PHEX: variants seen among roughly 807,000 people sequenced by gnomAD.
PHEX encodes phosphate-regulating neutral endopeptidase PHEX.
PHEX carries 16 observed loss-of-function variants against 68.0 expected under a neutral mutation model. That is an observed-to-expected ratio of 0.24 (90% CI 0.16 to 0.36). PHEX has a LOEUF of 0.36. Among genes scored for constraint, PHEX ranks in the 10% least tolerant of loss-of-function variants. The pLI, the probability that PHEX is intolerant of heterozygous loss-of-function variation, is 1.00. For missense variants in PHEX, 480 were observed against 575.5 expected (o/e 0.83, Z 1.70); for synonymous variants, 208 against 205.1 (o/e 1.01, Z -0.12).
chrX:22,118,329 T>TAAAC (rs1376827498), intron 11 of PHEX, among the ~76,000 whole-genome samples: 2 of 45,300 alleles, frequency 4.4e-5, no homozygotes, highest in African/African-American at 2.5e-4. Context: ...CATTTGTTTG[T>TAAAC]AAACAGCACC....
In PHEX at chrX:22,229,561, C is replaced by T. The variant is rs185284373; in HGVS notation, c.2070+1950C>T. 5.7e-4 allele frequency among the ~76,000 whole-genome samples: 64 copies of T among 112,271 alleles called. No homozygotes were observed. The East Asian group carries it at 0.018, about 31-fold the overall frequency. ...TGTCTTCTTTTGAGAAATGTCTGTT[C>T]GTAGCCTTTGCCCACTTTTTGATGA... On this transcript the variant is annotated intron_variant, in intron 20 of 21. Coordinates refer to ENST00000379374, the MANE Select transcript of PHEX (RefSeq NM_000444.6).
rs375729152 is a variant in PHEX, at chrX:22,114,562, C to T, written c.1278C>T (p.Tyr426=). 8.3e-7 allele frequency: 1 copy of T among 1,203,737 alleles called. No homozygotes were observed. The highest frequency in any genetic ancestry group is 1.1e-6 in the Non-Finnish European group (1 of 889,749). ...YVVGKMFVDV[Y]FQEDKKEMME... ...TTGGAAAGATGTTTGTAGATGTGTA[C>T]TTCCAGGAAGATAAGAAGGAAATGG... Residue 426 remains tyrosine, a synonymous_variant, in exon 11 of 22, where the codon TAC becomes TAT. Coordinates refer to ENST00000379374, the MANE Select transcript of PHEX (RefSeq NM_000444.6).
At chrX:22,152,376 G>C in intron 12 of PHEX, among the ~76,000 whole-genome samples, 1 of 111,763 alleles carries the variant, frequency 8.9e-6, no homozygotes, top group Non-Finnish European at 1.9e-5. Context: ...TATGTCTATT[G>C]TTTCTGTTTC....
At chrX:22,221,850 C>A in intron 18 of PHEX, 107 bp downstream of exon 18, 1 of 710,572 alleles carries the variant, frequency 1.4e-6, no homozygotes, top group Non-Finnish European at 2.3e-6. Context: ...ACAAGATCAA[C>A]AGCATCTGTC....
intron 12 of PHEX, among the ~76,000 whole-genome samples, chrX:22,138,602 T>G (rs1447963404): frequency 8.9e-6 from 1 of 112,086 alleles, no homozygotes; most frequent in Non-Finnish European, 1.9e-5. Context: ...AGTCTTCCTC[T>G]TCCTTCCTTA....
intron 1 of PHEX, among the ~76,000 whole-genome samples, chrX:22,033,398 G>A (rs944210749): frequency 2.7e-5 from 2 of 75,282 alleles, no homozygotes; most frequent in Non-Finnish European, 5.2e-5. Flanking sequence ...TGCATTGGGT[G>A]GAAAATTTTT....
intron 13 of PHEX, 31 bp downstream of exon 13, chrX:22,168,420 T>C: frequency 2.0e-6 from 2 of 981,078 alleles, no homozygotes; most frequent in Non-Finnish European, 2.9e-6. Context: ...ACTTTTTTTT[T>C]TCTGGCAAGT....
chrX:22,106,577 C>T (rs6629450), intron 9 of PHEX, among the ~76,000 whole-genome samples: 33,372 of 108,876 alleles, frequency 0.31, 4,616 homozygotes, highest in African/African-American at 0.53. Context: ...TTGAGACCAG[C>T]TTGGCAAAAT....
chrX:22,065,720 G>A (rs180706901), intron 3 of PHEX, among the ~76,000 whole-genome samples: 320 of 111,731 alleles, frequency 2.9e-3, no homozygotes, highest in Non-Finnish European at 5.2e-3. Context: ...CACCGCGCCC[G>A]GCCGGCCCAA....
intron 8 of PHEX, 104 bp from the exon 9 acceptor site, chrX:22,098,902 G>A (rs1930284663): frequency 3.2e-6 from 2 of 623,832 alleles, no homozygotes; most frequent in African/African-American, 2.4e-5. Context: ...ATTATTAGGT[G>A]TGAAATCAAA....
At chrX:22,053,640 A>G (rs1927940079) in intron 3 of PHEX, among the ~76,000 whole-genome samples, 1 of 112,089 alleles carries the variant, frequency 8.9e-6, no homozygotes, top group African/African-American at 3.2e-5. Context: ...AAATTTAGCA[A>G]ATGAGCACTT....
At chrX:22,178,868 C>T (rs1457604041) in intron 14 of PHEX, among the ~76,000 whole-genome samples, 1 of 111,806 alleles carries the variant, frequency 8.9e-6, no homozygotes, top group Non-Finnish European at 1.9e-5. Flanking sequence ...TTGCCTTCCT[C>T]TCAGCTGCCT....
chrX:22,176,398 AAAAAATAT>A (rs1328482257), intron 13 of PHEX, among the ~76,000 whole-genome samples: 4 of 68,188 alleles, frequency 5.9e-5, no homozygotes, highest in South Asian at 5.3e-4. Flanking sequence ...AAAAAAAAAA[AAAAAATAT>A]ATATATATAT....
intron 19 of PHEX, among the ~76,000 whole-genome samples, chrX:22,226,991 A>C (rs1935529295): frequency 8.9e-6 from 1 of 112,388 alleles, no homozygotes; most frequent in Non-Finnish European, 1.9e-5. Flanking sequence ...TCAAATAAGA[A>C]GCATAAAGAT....
intron 15 of PHEX, among the ~76,000 whole-genome samples, chrX:22,207,198 G>A (rs148695577): frequency 8.3e-4 from 92 of 110,316 alleles, no homozygotes; most frequent in African/African-American, 2.3e-3. Context: ...GGCTTTCCCA[G>A]GTGCAGATTT....
At chrX:22,244,180 G>T (rs1569441807) in intron 20 of PHEX, among the ~76,000 whole-genome samples, 4 of 111,113 alleles carry the variant, frequency 3.6e-5, no homozygotes, top group Non-Finnish European at 7.5e-5. Context: ...AACTAACACA[G>T]GAACAGAAAA....
At chrX:22,132,780 G>A (rs181305564) in intron 11 of PHEX, among the ~76,000 whole-genome samples, 18 of 111,660 alleles carry the variant, frequency 1.6e-4, no homozygotes, top group African/African-American at 5.9e-4. Flanking sequence ...GTAAGTTATT[G>A]GTTTGTCATA....
At chrX:22,149,596 A>T (rs988234210) in intron 12 of PHEX, among the ~76,000 whole-genome samples, 1 of 112,226 alleles carries the variant, frequency 8.9e-6, no homozygotes, top group African/African-American at 3.2e-5. Flanking sequence ...TCTACTAAAA[A>T]TACAAAAATT....
Position 22,249,455 on chromosome X carries a change from A to AAAAAAAAATATATAT in PHEX, c.*1503_*1504insAAAAAAATATATATA. On this transcript the variant is annotated 3_prime_UTR_variant, in exon 22 of 22. Transcript: ENST00000379374. ...TTGTGATTCTTTTAAAAAAAAAAAAAATATATATATATATATATATATATA... is the reference window on the plus strand; with the variant it reads ...TTGTGATTCTTTTAAAAAAAAAAAAAAAAAAAAATATATATATATATATATATATATATATATATA... 1.3e-4 allele frequency: 5 copies of AAAAAAAAATATATAT among 39,756 alleles called. No individual in the cohort carries two copies. The highest frequency in any genetic ancestry group is 3.3e-4 in the African/African-American group (2 of 6,017). The allele number at this position is 39,756 out of a possible 1,213,427, so 3.3% of individuals were successfully genotyped here.
Sources: gnomAD v4.1 joint callset for allele counts (sites outside exome capture counted in the v4.1 genomes callset) on GRCh38, gnomAD v4.1.1 for gene constraint, MANE v1.5 for transcripts, NCBI Gene and HGNC (gene_info 2026-07-23, HGNC 2026-07-21) for gene names.